The following NMT2 variants were observed in gnomAD, a reference collection of about 807,000 sequenced individuals.
NMT2 encodes the protein N-myristoyltransferase 2.
A neutral mutation model predicts 65.4 loss-of-function variants in NMT2; 35 were observed. That is an observed-to-expected ratio of 0.54 (90% CI 0.41 to 0.71). The LOEUF (loss-of-function observed/expected upper bound fraction) is 0.71, where lower values mean the gene tolerates loss of function less well. Ranked by LOEUF, NMT2 falls within the 30% of genes least tolerant of loss-of-function variation. The pLI, the probability that NMT2 is intolerant of heterozygous loss-of-function variation, is 0.00. For synonymous variants in NMT2, 226 were observed against 231.8 expected (o/e 0.98, Z 0.23); for missense variants, 489 against 611.3 (o/e 0.80, Z 2.11).
intron 1 of NMT2, among the ~76,000 whole-genome samples, chr10:15,149,870 C>CGTT (rs1832743955): frequency 1.3e-5 from 2 of 152,114 alleles, no homozygotes; most frequent in African/African-American, 4.8e-5. Context: ...TACTACCCTA[C>CGTT]GTTGTCTCTC....
chr10:15,115,686 T>C (rs1451898757), intron 9 of NMT2, among the ~76,000 whole-genome samples: 1 of 152,226 alleles, frequency 6.6e-6, no homozygotes, highest in Non-Finnish European at 1.5e-5. Flanking sequence ...GACCCAGCTA[T>C]AGGCTGTTTC....
chr10:15,162,028 G>T (rs1459562723), intron 1 of NMT2, among the ~76,000 whole-genome samples: 1 of 152,134 alleles, frequency 6.6e-6, no homozygotes, highest in Non-Finnish European at 1.5e-5. Flanking sequence ...GGAGGTGGGT[G>T]AACTGCTTGA....
chr10:15,163,907 C>T (rs1000662883), intron 1 of NMT2, among the ~76,000 whole-genome samples: 24 of 152,108 alleles, frequency 1.6e-4, no homozygotes, highest in Admixed American at 1.3e-3. Context: ...AGGCCGGGGA[C>T]GGTGGCTCAC....
At chr10:15,163,509 G>A (rs1833270336) in intron 1 of NMT2, among the ~76,000 whole-genome samples, 1 of 152,186 alleles carries the variant, frequency 6.6e-6, no homozygotes, top group Admixed American at 6.5e-5. Flanking sequence ...TTGATTTGAG[G>A]AGGTCCCTCA....
At chr10:15,142,251 G>A (rs1846799324) in intron 1 of NMT2, among the ~76,000 whole-genome samples, 1 of 152,214 alleles carries the variant, frequency 6.6e-6, no homozygotes, top group South Asian at 2.1e-4. Flanking sequence ...AATAGTGAGA[G>A]AAACTGTTTA....
chr10:15,161,094 A>AC (rs1833176513), intron 1 of NMT2, among the ~76,000 whole-genome samples: 1 of 147,230 alleles, frequency 6.8e-6, no homozygotes, highest in Non-Finnish European at 1.5e-5. Flanking sequence ...AAAAAAAAAA[A>AC]AAAAAAAAAA....
chr10:15,142,131 G>C (rs1284298961), intron 1 of NMT2, among the ~76,000 whole-genome samples: 3 of 152,168 alleles, frequency 2.0e-5, no homozygotes, highest in Admixed American at 6.5e-5. Flanking sequence ...CTAGCATCTA[G>C]GTTATAAAGG....
chr10:15,139,687 C>A (rs1421720028), intron 2 of NMT2: 1 of 151,394 alleles, frequency 6.6e-6, no homozygotes, highest in Non-Finnish European at 1.5e-5. Flanking sequence ...TCTCACCCTG[C>A]AGTCAGTCAG....
chr10:15,141,286 C>T (rs1846745979), intron 2 of NMT2, 136 bp downstream of exon 2: 3 of 1,164,094 alleles, frequency 2.6e-6, no homozygotes, highest in African/African-American at 1.5e-5. Context: ...CTGTCAAGAG[C>T]TTCCAGTTAC....
At chr10:15,168,220 G>C (rs1023946387) in intron 1 of NMT2, 2 of 304,162 alleles carry the variant, frequency 6.6e-6, no homozygotes, top group African/African-American at 4.4e-5. Flanking sequence ...GGCCGCCGGC[G>C]GGGATGGGCG....
At chr10:15,163,167 T>C (rs181435306) in intron 1 of NMT2, among the ~76,000 whole-genome samples, 99 of 152,274 alleles carry the variant, frequency 6.5e-4, no homozygotes, top group African/African-American at 2.1e-3. Context: ...CCACCTTGGC[T>C]TCCCAAAGCA....
In NMT2 at chr10:15,131,009, C is replaced by T. The variant is rs115566848; in HGVS notation, c.720-697G>A. 3.0e-3 allele frequency among the ~76,000 whole-genome samples: 459 copies of T among 152,100 alleles called. 5 individuals carry two copies. Among genetic ancestry groups the T allele is most frequent in the African/African-American group, 0.01 (419 of 41,506 alleles). ...TTCACCATGTTGGCTACGCTGGTCT[C>T]GCATTCCTGACCTCATGATCTACCT... On this transcript the variant is annotated intron_variant, in intron 6 of 11. Coordinates refer to ENST00000378165, the MANE Select transcript of NMT2 (RefSeq NM_004808.3).
At chr10:15,138,763 A>G (rs1019063355) in intron 2 of NMT2, among the ~76,000 whole-genome samples, 8 of 152,200 alleles carry the variant, frequency 5.3e-5, no homozygotes, top group Non-Finnish European at 1.2e-4. Flanking sequence ...AGTTGGCATA[A>G]GCTTAAAGGG....
chr10:15,161,097 A>AC (rs1833177341), intron 1 of NMT2, among the ~76,000 whole-genome samples: 2 of 149,596 alleles, frequency 1.3e-5, no homozygotes, highest in African/African-American at 2.4e-5. Flanking sequence ...AAAAAAAAAA[A>AC]AAAAAAAAAA....
At chr10:15,165,310 T>C (rs543865647) in intron 1 of NMT2, among the ~76,000 whole-genome samples, 5 of 152,340 alleles carry the variant, frequency 3.3e-5, no homozygotes, top group African/African-American at 1.2e-4. Flanking sequence ...GTAGAAAGTC[T>C]TTCCAGGCTC....
At chr10:15,151,860 A>G (rs1832816593) in intron 1 of NMT2, among the ~76,000 whole-genome samples, 1 of 152,056 alleles carries the variant, frequency 6.6e-6, no homozygotes, top group African/African-American at 2.4e-5. Flanking sequence ...CCCCGTCTCT[A>G]CCAAAAATAT....
rs1385485231 is a variant in NMT2, at chr10:15,127,425, T to C, written c.999+925A>G. On this transcript the variant is annotated intron_variant, in intron 8 of 11. Transcript: ENST00000378165. ...AGCCGGGCATGCTGGCGGGCGCCTA[T>C]AGTCCCAGCTACTCAGGAGGCTGAG... is the stretch of plus-strand genomic sequence containing the variant. Among the ~76,000 whole-genome samples the C allele has an allele frequency of 4.7e-5, 7 of 147,430 alleles. 1 individual carries two copies. Among genetic ancestry groups the C allele is most frequent in the African/African-American group, 1.0e-4 (4 of 39,900 alleles).
chr10:15,168,684 C>A lies in NMT2; in HGVS notation c.-72G>T, dbSNP rs1434629275. 1.4e-5 allele frequency: 16 copies of A among 1,161,652 alleles called. No homozygotes were observed. Among genetic ancestry groups the A allele is most frequent in the Admixed American group, 4.7e-5 (2 of 42,126 alleles). 72.0% of individuals were successfully genotyped at this position (1,161,652 alleles called of 1,614,324 possible). On this transcript the variant is annotated 5_prime_UTR_variant, in exon 1 of 12. Coordinates refer to ENST00000378165, the MANE Select transcript of NMT2 (RefSeq NM_004808.3). ...CGGCCGCAGCTCCCTCTAGTGCCTC[C>A]CGCCGTACTGCTTGGAGTCGGAGCC...
At position 15,107,388 on chromosome 10, in the gene NMT2, T is replaced by C; in HGVS notation, c.*1807A>G. On this transcript the variant is annotated 3_prime_UTR_variant, in exon 12 of 12. Coordinates refer to ENST00000378165, the MANE Select transcript of NMT2 (RefSeq NM_004808.3). The stretch of plus-strand genomic sequence containing the variant: ...TCATAACTTGAAGGAAATGCCATCA[T>C]GTCTAAAACAATTAACTTCTGCACT... The C allele has an allele frequency of 1.0e-6, 1 of 985,466 alleles. No homozygotes were observed. Among genetic ancestry groups the C allele is most frequent in the South Asian group, 4.7e-5 (1 of 21,284 alleles). The allele number at this position is 985,466 out of a possible 1,614,324, so 61.0% of individuals were successfully genotyped here. A position where few individuals can be genotyped will look rare whatever the true frequency, so the allele number is the denominator to read the frequency against.
Sources: allele counts gnomAD v4.1 joint callset (sites outside exome capture counted in the v4.1 genomes callset), GRCh38; gene constraint gnomAD v4.1.1; transcripts MANE v1.5; gene names NCBI Gene and HGNC (gene_info 2026-07-23, HGNC 2026-07-21).